The following GABRB2 variants were observed in gnomAD, a reference collection of about 807,000 sequenced individuals.
GABRB2 encodes the protein gamma-aminobutyric acid type A receptor subunit beta2, also known as gamma-aminobutyric acid receptor subunit beta-2.
In GABRB2, 16 loss-of-function variants were observed where a neutral mutation model predicts 54.7. The observed-to-expected ratio is 0.29, with a 90% CI of 0.20 to 0.44. The LOEUF (loss-of-function observed/expected upper bound fraction) is 0.44, where lower values mean the gene tolerates loss of function less well. GABRB2 is among the 20% of genes least tolerant of loss of function. The pLI is 1.00. For synonymous variants in GABRB2, 244 were observed against 233.8 expected (o/e 1.04, Z -0.40); for missense variants, 355 against 644.0 (o/e 0.55, Z 4.86).
At chr5:161,428,859 T>C (rs1462541973) in intron 4 of GABRB2, among the ~76,000 whole-genome samples, 1 of 151,960 alleles carries the variant, frequency 6.6e-6, no homozygotes, top group Non-Finnish European at 1.5e-5. Flanking sequence ...TCAATAATAA[T>C]GAAAGCACAA....
intron 7 of GABRB2, among the ~76,000 whole-genome samples, chr5:161,334,010 T>C (rs1327081054): frequency 6.6e-6 from 1 of 152,228 alleles, no homozygotes; most frequent in Non-Finnish European, 1.5e-5. Flanking sequence ...AATTAGCATA[T>C]ATTAGGTATT....
intron 5 of GABRB2, among the ~76,000 whole-genome samples, chr5:161,369,535 A>G (rs62381568): frequency 1.4e-5 from 2 of 143,206 alleles, no homozygotes; most frequent in Non-Finnish European, 3.2e-5. Flanking sequence ...GAGGAGAGGG[A>G]GAGAGAGAGA....
At chr5:161,335,613 T>A (rs1753969545) in intron 6 of GABRB2, among the ~76,000 whole-genome samples, 1 of 152,150 alleles carries the variant, frequency 6.6e-6, no homozygotes, top group Admixed American at 6.6e-5. Flanking sequence ...GAAGTTCACA[T>A]GATAAGTAGC....
chr5:161,505,931 T>A (rs1561675096), intron 3 of GABRB2, among the ~76,000 whole-genome samples: 1 of 152,260 alleles, frequency 6.6e-6, no homozygotes, highest in African/African-American at 2.4e-5. Flanking sequence ...CAATATTGCA[T>A]TAGAAATTAA....
At chr5:161,519,281 C>G (rs1434621392) in intron 3 of GABRB2, among the ~76,000 whole-genome samples, 3 of 152,160 alleles carry the variant, frequency 2.0e-5, no homozygotes, top group Non-Finnish European at 4.4e-5. Context: ...TCATTATGTT[C>G]ATCTCAATTA....
At chr5:161,372,214 T>C (rs1755152706) in intron 5 of GABRB2, among the ~76,000 whole-genome samples, 1 of 152,176 alleles carries the variant, frequency 6.6e-6, no homozygotes, top group Non-Finnish European at 1.5e-5. Flanking sequence ...TCATTTTATA[T>C]AATTGAACTT....
At chr5:161,496,371 T>C (rs1239603880) in intron 3 of GABRB2, among the ~76,000 whole-genome samples, 1 of 152,108 alleles carries the variant, frequency 6.6e-6, no homozygotes, top group African/African-American at 2.4e-5. Context: ...AAGATTATTT[T>C]CTCAAAATTA....
At chr5:161,379,929 G>A (rs1185956200) in intron 5 of GABRB2, among the ~76,000 whole-genome samples, 2 of 152,100 alleles carry the variant, frequency 1.3e-5, no homozygotes, top group African/African-American at 4.8e-5. Context: ...AAGAAGAAAA[G>A]GGACAAGATG....
At chr5:161,547,683 GGGACGT>G (rs1761031128), upstream of GABRB2, among the ~76,000 whole-genome samples, 1 of 152,126 alleles carries the variant, frequency 6.6e-6, no homozygotes, top group Non-Finnish European at 1.5e-5. Context: ...AGGGGGAGAT[GGGACGT>G]GGAGGCGTGA....
intron 4 of GABRB2, among the ~76,000 whole-genome samples, chr5:161,445,646 T>A (rs1394190766): frequency 6.6e-6 from 1 of 152,162 alleles, no homozygotes; most frequent in Non-Finnish European, 1.5e-5. Flanking sequence ...ATCTGCATGA[T>A]AAAACCTCGG....
At chr5:161,327,541 C>T (rs1048299972) in intron 8 of GABRB2, among the ~76,000 whole-genome samples, 4 of 151,956 alleles carry the variant, frequency 2.6e-5, no homozygotes, top group African/African-American at 7.3e-5. Context: ...AATGACAGGA[C>T]AGGAATTATT....
intron 4 of GABRB2, among the ~76,000 whole-genome samples, chr5:161,431,201 C>T (rs140388260): frequency 4.9e-4 from 74 of 152,110 alleles, no homozygotes; most frequent in African/African-American, 1.7e-3. Context: ...TATTTCAGTG[C>T]CTGTGATAAT....
At chr5:161,339,671 A>G (rs1265906006) in intron 5 of GABRB2, among the ~76,000 whole-genome samples, 10 of 152,108 alleles carry the variant, frequency 6.6e-5, no homozygotes, top group African/African-American at 1.9e-4. Flanking sequence ...ATCTCATTTA[A>G]TCTTCACAAC....
intron 3 of GABRB2, among the ~76,000 whole-genome samples, chr5:161,505,892 T>C (rs1392567332): frequency 6.6e-6 from 1 of 152,192 alleles, no homozygotes; most frequent in Non-Finnish European, 1.5e-5. Flanking sequence ...CAAGCTAGCA[T>C]GCCTGCTATC....
intron 3 of GABRB2, among the ~76,000 whole-genome samples, chr5:161,487,694 A>T (rs1041446791): frequency 6.6e-6 from 1 of 151,918 alleles, no homozygotes; most frequent in Non-Finnish European, 1.5e-5. Flanking sequence ...AGTAACATTA[A>T]TGCCCAATTT....
chr5:161,443,129 C>A (rs1034776451), intron 4 of GABRB2, among the ~76,000 whole-genome samples: 14 of 152,086 alleles, frequency 9.2e-5, no homozygotes, highest in African/African-American at 2.7e-4. Flanking sequence ...TCCTATTCTT[C>A]TCCCCCACCA....
chr5:161,387,221 C>T (rs2113494748), intron 5 of GABRB2, among the ~76,000 whole-genome samples: 1 of 152,168 alleles, frequency 6.6e-6, no homozygotes, highest in South Asian at 2.1e-4. Context: ...TGACTTCACC[C>T]TTCTGCACAC....
chr5:161,305,942 C>G (rs1049456114), intron 9 of GABRB2, among the ~76,000 whole-genome samples: 1 of 152,204 alleles, frequency 6.6e-6, no homozygotes, highest in African/African-American at 2.4e-5. Context: ...TGGCTGACAG[C>G]CATACTCCTT....
intron 3 of GABRB2, among the ~76,000 whole-genome samples, chr5:161,508,154 T>G (rs1759665773): frequency 6.6e-6 from 1 of 151,746 alleles, no homozygotes; most frequent in Admixed American, 6.6e-5. Flanking sequence ...GGTACTATAC[T>G]AAGAGATTTC....
Sources: gnomAD v4.1 joint callset for allele counts (sites outside exome capture counted in the v4.1 genomes callset) on GRCh38, gnomAD v4.1.1 for gene constraint, MANE v1.5 for transcripts, NCBI Gene and HGNC (gene_info 2026-07-23, HGNC 2026-07-21) for gene names.